The following TET2 variants were observed in gnomAD, a reference collection of about 807,000 sequenced individuals.
The protein encoded by TET2 is tet methylcytosine dioxygenase 2.
A neutral mutation model predicts 142.9 loss-of-function variants in TET2; 299 were observed. The ratio of observed to expected loss-of-function variants is 2.09; its 90% CI spans 1.90 to 2.30. The LOEUF (loss-of-function observed/expected upper bound fraction) is 2.30, where lower values mean the gene tolerates loss of function less well. Among genes scored for constraint, TET2 ranks in the 30% most tolerant of loss-of-function variants. The pLI is 0.00. For synonymous variants in TET2, 819 were observed against 849.0 expected (o/e 0.96, Z 0.61); for missense variants, 2,418 against 2,378.0 (o/e 1.02, Z -0.35).
Position 105,277,580 on chromosome 4 carries a change from C to T in TET2, c.*1061C>T, listed in dbSNP as rs1003735456. On this transcript the variant is annotated 3_prime_UTR_variant, in exon 11 of 11. Transcript: ENST00000380013. ...TTTTAGCCATGCATCTGCTGATGAGCAATTGTGTCCATTTTTAACACAGCC... is the reference window on the plus strand; with the variant it reads ...TTTTAGCCATGCATCTGCTGATGAGTAATTGTGTCCATTTTTAACACAGCC... 3 of 227,986 alleles carry T rather than the reference C, an allele frequency of 1.3e-5. No individual in the cohort carries two copies. The highest frequency in any genetic ancestry group is 6.7e-5 in the African/African-American group (3 of 45,068). The allele number at this position is 227,986 out of a possible 1,614,324, so 14.1% of individuals were successfully genotyped here. A position where few individuals can be genotyped will look rare whatever the true frequency, so the allele number is the denominator to read the frequency against.
At chr4:105,261,352 A>ACTAT (rs1190499228) in intron 7 of TET2, among the ~76,000 whole-genome samples, 1 of 152,142 alleles carries the variant, frequency 6.6e-6, no homozygotes, top group African/African-American at 2.4e-5. Flanking sequence ...TTATTTAAAT[A>ACTAT]CTATCTTTAT....
intron 6 of TET2, among the ~76,000 whole-genome samples, chr4:105,245,202 TATG>T (rs1241906026): frequency 1.3e-5 from 2 of 152,230 alleles, no homozygotes; most frequent in East Asian, 1.9e-4. Context: ...CTTGACTTTC[TATG>T]ATAATTATGA....
chr4:105,162,537 C>T (rs900962978), intron 1 of TET2, among the ~76,000 whole-genome samples: 2 of 152,114 alleles, frequency 1.3e-5, no homozygotes, highest in East Asian at 1.9e-4. Context: ...AGCTTTTAAC[C>T]CTGACAAGCA....
At chr4:105,242,106 GTAT>G (rs1423474150) in intron 4 of TET2, 1 of 1,188,074 alleles carries the variant, frequency 8.4e-7, no homozygotes, top group Non-Finnish European at 1.1e-6. Context: ...GAGGTAGGCA[GTAT>G]TATTATTAAA....
In TET2 at chr4:105,241,217, A is replaced by C. The variant is rs1729279167; in HGVS notation, c.3410-122A>C. Reference sequence around the variant, plus strand: ...CATCAATCTACTCATTTTAAAGAAAAAAAAATTTTAAAGTCACTTTTAGAG... The same window carrying C: ...CATCAATCTACTCATTTTAAAGAAACAAAAATTTTAAAGTCACTTTTAGAG... On this transcript the variant is annotated intron_variant, in intron 3 of 10. Transcript: ENST00000380013. 14 of 1,343,012 alleles carry C rather than the reference A, an allele frequency of 1.0e-5. No homozygotes were observed. In the South Asian group the frequency reaches 3.2e-4, roughly 30 times the overall value. The allele number at this position is 1,343,012 out of a possible 1,614,324, so 83.2% of individuals were successfully genotyped here. A position where few individuals can be genotyped will look rare whatever the true frequency, so the allele number is the denominator to read the frequency against.
Position 105,234,097 on chromosome 4 carries a change from C to T in TET2, c.155C>T (p.Thr52Ile). The change falls in exon 3 of 11, where the codon ACC (threonine) becomes ATC (isoleucine). Residue 52 changes from threonine to isoleucine, a missense_variant. By Grantham distance (89) the Thr-to-Ile change is moderately conservative. Coordinates refer to ENST00000380013, the MANE Select transcript of TET2 (RefSeq NM_001127208.3). ...GCTCATCCAGAAGTAAATGGAGACA[C>T]CAAGTGGCACTCTTTCAAAAGTTAT... ...ERAHPEVNGD[T>I]KWHSFKSYYG... The T allele has an allele frequency of 2.5e-6, 4 of 1,614,002 alleles. No homozygotes were observed. Among genetic ancestry groups the T allele is most frequent in the African/African-American group, 1.3e-5 (1 of 75,026 alleles).
rs149373293 is a variant in TET2 at position 105,234,265 on chromosome 4, A to T, written c.323A>T (p.Gln108Leu). 5.3e-5 allele frequency: 85 copies of T among 1,613,958 alleles called. No homozygotes were observed. Among genetic ancestry groups the T allele is most frequent in the Non-Finnish European group, 7.1e-5 (84 of 1,180,010 alleles). Residue 108 changes from glutamine (Q) to leucine (L), a missense_variant, in exon 3 of 11, where the codon CAG becomes CTG. By Grantham distance (113) the Gln-to-Leu change is moderately radical. Coordinates refer to ENST00000380013, the MANE Select transcript of TET2 (RefSeq NM_001127208.3). ...GAACCTTCTCTCTCTGGGCTCCTTC[A>T]GATCAAGAAATTGAAACAAGACCAA... ...VSEPSLSGLL[Q>L]IKKLKQDQKA...
At chr4:105,252,533 C>T (rs1729923037) in intron 6 of TET2, among the ~76,000 whole-genome samples, 1 of 152,148 alleles carries the variant, frequency 6.6e-6, no homozygotes, top group African/African-American at 2.4e-5. Flanking sequence ...GTAAATAACA[C>T]AGAGCACAGT....
Position 105,234,806 on chromosome 4 carries a change from A to G in TET2, c.864A>G (p.Pro288=), listed in dbSNP as rs766623771. The G allele has an allele frequency of 1.6e-5, 26 of 1,613,870 alleles. No homozygotes were observed. Among genetic ancestry groups the G allele is most frequent in the Non-Finnish European group, 1.7e-6 (2 of 1,179,982 alleles). ...QTSNSELPPK[P]AAVVSEACDA... is the part of the protein sequence containing the mutation. ...CTAACTCTGAGCTGCCTCCAAAGCC[A>G]GCTGCAGTGGTGAGTGAGGCCTGTG... The change falls in exon 3 of 11, where the codon CCA becomes CCG. Residue 288 remains proline (P), a synonymous_variant. Transcript: ENST00000380013.
chr4:105,235,407 GACAT>G lies in TET2; in HGVS notation c.1469_1472del (p.Ile490ArgfsTer6). ...TCAGAATAATTGTGTGAACAGGAAT[GACAT>G]ACAGACTGCAGGGACAATGACTGTT... On this transcript the variant is annotated frameshift_variant, in exon 3 of 11. Coordinates refer to ENST00000380013, the MANE Select transcript of TET2 (RefSeq NM_001127208.3). LOFTEE classifies it high-confidence loss of function. The G allele has an allele frequency of 6.2e-7, 1 of 1,614,186 alleles. No individual in the cohort carries two copies. Among genetic ancestry groups the G allele is most frequent in the South Asian group, 1.1e-5 (1 of 91,066 alleles).
chr4:105,242,169 C>T (rs1353621510), intron 4 of TET2: 2 of 1,127,916 alleles, frequency 1.8e-6, no homozygotes, highest in East Asian at 8.9e-5. Context: ...ATCATTCTTG[C>T]TCCATTTCCA....
intron 2 of TET2, among the ~76,000 whole-genome samples, chr4:105,199,119 G>T (rs1357255361): frequency 6.6e-6 from 1 of 152,156 alleles, no homozygotes; most frequent in East Asian, 1.9e-4. Context: ...GCAAGAATCT[G>T]TCACTCTAGG....
chr4:105,175,826 G>GA (rs944414802), intron 1 of TET2, among the ~76,000 whole-genome samples: 5 of 151,776 alleles, frequency 3.3e-5, no homozygotes, highest in East Asian at 1.9e-4. Flanking sequence ...AATCCAGAAG[G>GA]AAAAAACACC....
chr4:105,199,259 C>G (rs1295806357), intron 2 of TET2, among the ~76,000 whole-genome samples: 1 of 152,166 alleles, frequency 6.6e-6, no homozygotes, highest in Non-Finnish European at 1.5e-5. Context: ...TGCCTGGATA[C>G]TGCACATCTA....
At chr4:105,190,888 G>A (rs1725747075) in intron 2 of TET2, among the ~76,000 whole-genome samples, 3 of 152,132 alleles carry the variant, frequency 2.0e-5, no homozygotes, top group Non-Finnish European at 2.9e-5. Flanking sequence ...TCTCAATCTT[G>A]TTAAGGACCA....
At chr4:105,161,445 A>T (rs746233201) in intron 1 of TET2, among the ~76,000 whole-genome samples, 19 of 152,098 alleles carry the variant, frequency 1.2e-4, no homozygotes, top group Non-Finnish European at 2.5e-4. Flanking sequence ...TAAATGATGT[A>T]TTTCTCTCAA....
chr4:105,223,758 A>G (rs1357726518), intron 2 of TET2, among the ~76,000 whole-genome samples: 1 of 152,120 alleles, frequency 6.6e-6, no homozygotes, highest in Admixed American at 6.6e-5. Flanking sequence ...AGTGTTTTTC[A>G]TGTCAATAAA....
chr4:105,210,519 C>T (rs946970979), intron 2 of TET2, among the ~76,000 whole-genome samples: 1 of 152,250 alleles, frequency 6.6e-6, no homozygotes, highest in South Asian at 2.1e-4. Context: ...CTGACTTGTA[C>T]ACTCAACTGC....
chr4:105,179,135 A>G (rs1321071007), intron 1 of TET2, among the ~76,000 whole-genome samples: 1 of 152,174 alleles, frequency 6.6e-6, no homozygotes, highest in African/African-American at 2.4e-5. Flanking sequence ...GCCTTGACAC[A>G]TGGGTATTAT....
Sources: allele counts gnomAD v4.1 joint callset (sites outside exome capture counted in the v4.1 genomes callset), GRCh38; gene constraint gnomAD v4.1.1; transcripts MANE v1.5; gene names NCBI Gene and HGNC (gene_info 2026-07-23, HGNC 2026-07-21).